Variants in ANXA8 observed in about 807,000 individuals in gnomAD.
The protein encoded by ANXA8 is annexin A8, also known as VAC-beta.
In ANXA8, 9 loss-of-function variants were observed where a neutral mutation model predicts 26.8. The observed-to-expected ratio is 0.34, with a 90% CI of 0.20 to 0.59. The LOEUF is 0.59. Among genes scored for constraint, ANXA8 ranks in the 20% least tolerant of loss-of-function variants. The pLI, the probability that ANXA8 is intolerant of heterozygous loss-of-function variation, is 0.84. For missense variants in ANXA8, 83 were observed against 238.5 expected (o/e 0.35, Z 4.29); for synonymous variants, 39 against 94.8 (o/e 0.41, Z 3.42).
chr10:47,650,606 A>T, the ANXA8 span, among the ~76,000 whole-genome samples: 1 of 146,462 alleles, frequency 6.8e-6, no homozygotes, highest in Non-Finnish European at 1.5e-5. Flanking sequence ...GGAGATCGAG[A>T]CCATCCTGGC....
chr10:47,599,412 A>G, the ANXA8 span, among the ~76,000 whole-genome samples: 1 of 148,038 alleles, frequency 6.8e-6, no homozygotes, highest in Non-Finnish European at 1.5e-5. Flanking sequence ...GGCCTTAGAA[A>G]CAGACTAAGA....
At chr10:47,925,950 A>G in the ANXA8 span, among the ~76,000 whole-genome samples, 1 of 108,798 alleles carries the variant, frequency 9.2e-6, no homozygotes, top group South Asian at 4.0e-4. Flanking sequence ...ATATGTTCTT[A>G]GTGAACATGG....
the ANXA8 span, among the ~76,000 whole-genome samples, chr10:47,945,519 G>A: frequency 6.7e-6 from 1 of 149,952 alleles, no homozygotes; most frequent in Non-Finnish European, 1.5e-5. Flanking sequence ...CCAGGGTGAA[G>A]ATGGGCCTAC....
chr10:47,733,199 T>TTC, the ANXA8 span, among the ~76,000 whole-genome samples: 59 of 112,544 alleles, frequency 5.2e-4, 1 homozygote, highest in African/African-American at 1.7e-3. Context: ...CTTTCTTTCT[T>TTC]TCTTTCTTTC....
the ANXA8 span, among the ~76,000 whole-genome samples, chr10:47,516,631 A>G: frequency 3.6e-5 from 5 of 138,290 alleles, no homozygotes; most frequent in African/African-American, 1.4e-4. Flanking sequence ...AGCCCAGAAA[A>G]GCAGACATTG....
chr10:47,747,277 A>G, the ANXA8 span, among the ~76,000 whole-genome samples: 7 of 152,176 alleles, frequency 4.6e-5, no homozygotes, highest in Admixed American at 6.5e-5. Context: ...TGAAGGGGCC[A>G]AGATATCATG....
chr10:47,630,210 A>ATATC, the ANXA8 span, among the ~76,000 whole-genome samples: 3 of 141,384 alleles, frequency 2.1e-5, 1 homozygote, highest in African/African-American at 8.8e-5. Context: ...TAATAAGCAA[A>ATATC]GTTATATGAA....
chr10:47,639,314 A>ATTTTTTTTTT, the ANXA8 span, among the ~76,000 whole-genome samples: 1 of 75,346 alleles, frequency 1.3e-5, no homozygotes, highest in Non-Finnish European at 2.6e-5. Flanking sequence ...TATTATTATT[A>ATTTTTTTTTT]TTTTTTTTTT....
the ANXA8 span, chr10:47,502,087 G>C: frequency 2.9e-5 from 46 of 1,568,670 alleles, 2 homozygotes; most frequent in Non-Finnish European, 3.8e-5. Flanking sequence ...ACACGCACTC[G>C]TCGGGGCAGC....
At chr10:47,486,531 C>G (rs1840051503), upstream of ANXA8, among the ~76,000 whole-genome samples, 2 of 136,978 alleles carry the variant, frequency 1.5e-5, no homozygotes, top group African/African-American at 5.4e-5. Flanking sequence ...ATCCAACCAG[C>G]AGCAGGGGCC....
the ANXA8 span, among the ~76,000 whole-genome samples, chr10:47,497,930 G>T: frequency 1.3e-5 from 2 of 152,112 alleles, no homozygotes; most frequent in African/African-American, 2.4e-5. Flanking sequence ...TAGAGTGAGG[G>T]ATCTCAAAAA....
upstream of ANXA8, among the ~76,000 whole-genome samples, chr10:47,488,713 ATTTTTTTTTTTT>A (rs1160121365): frequency 3.9e-4 from 24 of 62,118 alleles, no homozygotes; most frequent in Non-Finnish European, 5.5e-4. Context: ...TACATGTTAA[ATTTTTTTTTTTT>A]TTTTTTTTTT....
At chr10:47,957,509 G>T in the ANXA8 span, among the ~76,000 whole-genome samples, 1 of 150,458 alleles carries the variant, frequency 6.6e-6, no homozygotes, top group African/African-American at 2.5e-5. Context: ...TTCCTTTCCC[G>T]AGAGCGCTCT....
At chr10:47,565,234 C>T in the ANXA8 span, 3 of 593,774 alleles carry the variant, frequency 5.1e-6, no homozygotes, top group South Asian at 2.0e-5. Flanking sequence ...GCCCTGCGGC[C>T]GGGGCCCCAC....
chr10:47,693,332 C>T, the ANXA8 span, among the ~76,000 whole-genome samples: 30 of 150,944 alleles, frequency 2.0e-4, no homozygotes, highest in Non-Finnish European at 2.9e-5. Context: ...CTCTGGCACC[C>T]AGGCTAGAGT....
chr10:47,977,717 G>T, the ANXA8 span, among the ~76,000 whole-genome samples: 1 of 151,484 alleles, frequency 6.6e-6, no homozygotes, highest in Non-Finnish European at 1.5e-5. Flanking sequence ...GCCAATTTGA[G>T]CAGGCAGAAA....
chr10:47,768,534 A>T, the ANXA8 span, among the ~76,000 whole-genome samples: 4 of 149,914 alleles, frequency 2.7e-5, no homozygotes, highest in Admixed American at 6.6e-5. Flanking sequence ...GAGGGAGGGG[A>T]TTTGCCAGAT....
chr10:47,521,539 G>T, the ANXA8 span, among the ~76,000 whole-genome samples: 4 of 140,986 alleles, frequency 2.8e-5, no homozygotes, highest in Non-Finnish European at 6.1e-5. Context: ...CTAGAGTAAT[G>T]AAATCTCTGG....
chr10:47,690,955 C>T, the ANXA8 span: 26 of 1,610,636 alleles, frequency 1.6e-5, no homozygotes, highest in South Asian at 1.1e-4. Context: ...AGAAATGGAT[C>T]GGAGAAATGT....
Sources: gnomAD v4.1 joint callset for allele counts (sites outside exome capture counted in the v4.1 genomes callset) on GRCh38, gnomAD v4.1.1 for gene constraint, MANE v1.5 for transcripts, NCBI Gene and HGNC (gene_info 2026-07-23, HGNC 2026-07-21) for gene names.